AGBL4: variants seen among roughly 807,000 people sequenced by gnomAD.
The protein encoded by AGBL4 is cytosolic carboxypeptidase 6.
In AGBL4, 58 loss-of-function variants were observed where a neutral mutation model predicts 66.4. That is an observed-to-expected ratio of 0.87 (90% CI 0.71 to 1.09). The LOEUF (loss-of-function observed/expected upper bound fraction) is 1.09. Ranked by LOEUF, AGBL4 falls within the 50% of genes least tolerant of loss-of-function variation. The probability of loss-of-function intolerance (pLI) is 0.00; values close to 1 mark genes in which losing one functional copy is unlikely to be tolerated. For missense variants in AGBL4, 579 were observed against 631.0 expected, an observed-to-expected ratio of 0.92 and a Z score of 0.88; for synonymous variants, 234 against 222.9, an observed-to-expected ratio of 1.05 and a Z score of -0.44.
chr1:49,535,265 A>T (rs1651479865), intron 3 of AGBL4, among the ~76,000 whole-genome samples: 1 of 151,132 alleles, frequency 6.6e-6, no homozygotes, highest in Admixed American at 6.6e-5. Flanking sequence ...CATCTGGCTA[A>T]CCATTTGGGG....
At chr1:49,474,834 T>C (rs1048052083) in intron 3 of AGBL4, among the ~76,000 whole-genome samples, 8 of 152,040 alleles carry the variant, frequency 5.3e-5, no homozygotes, top group Admixed American at 5.2e-4. Flanking sequence ...TGGAGTGTTG[T>C]AATTTAAGCT....
At chr1:49,678,847 T>A (rs1646631251) in intron 3 of AGBL4, among the ~76,000 whole-genome samples, 1 of 152,158 alleles carries the variant, frequency 6.6e-6, no homozygotes, top group African/African-American at 2.4e-5. Context: ...TTATTTGGAA[T>A]TTCCTAAAAT....
Position 49,141,106 on chromosome 1 carries a change from T to C in AGBL4, c.378-95306A>G, listed in dbSNP as rs138650968. On this transcript the variant is annotated intron_variant, in intron 4 of 13. Coordinates refer to ENST00000371839, the MANE Select transcript of AGBL4 (RefSeq NM_032785.4). ...TAATTGGTACTAAAAAAAGAAGATA[T>C]TATTAATTTCACCCTACTTTGAGTT... is the stretch of plus-strand genomic sequence containing the variant. 2.4e-4 allele frequency among the ~76,000 whole-genome samples: 36 copies of C among 152,284 alleles called. 1 individual carries two copies. Among genetic ancestry groups the C allele is most frequent in the African/African-American group, 8.4e-4 (35 of 41,556 alleles).
chr1:49,115,075 A>G (rs866286054), intron 4 of AGBL4, among the ~76,000 whole-genome samples: 2 of 152,354 alleles, frequency 1.3e-5, no homozygotes, highest in South Asian at 4.1e-4. Context: ...AATAAAAACA[A>G]AAAACCAACA....
At chr1:48,641,558 G>A (rs937107977) in intron 8 of AGBL4, among the ~76,000 whole-genome samples, 11 of 152,172 alleles carry the variant, frequency 7.2e-5, no homozygotes, top group Admixed American at 2.0e-4. Flanking sequence ...CTGTCATCTA[G>A]TAGCTTTGTG....
At chr1:49,564,552 AT>A (rs1176378829) in intron 3 of AGBL4, among the ~76,000 whole-genome samples, 1 of 151,914 alleles carries the variant, frequency 6.6e-6, no homozygotes, top group East Asian at 1.9e-4. Context: ...TTCTGCCTTC[AT>A]TTTGTTATGT....
chr1:48,595,867 G>A (rs897726437), intron 9 of AGBL4, among the ~76,000 whole-genome samples: 19 of 152,154 alleles, frequency 1.2e-4, no homozygotes, highest in African/African-American at 4.3e-4. Context: ...GCAGCACTTC[G>A]GAGTTTATCA....
intron 9 of AGBL4, among the ~76,000 whole-genome samples, chr1:48,614,755 A>G (rs1256071764): frequency 3.9e-5 from 6 of 152,178 alleles, no homozygotes; most frequent in African/African-American, 9.7e-5. Context: ...TCTAAAACAA[A>G]GAAATATGTG....
chr1:49,000,403 C>T (rs548873298), intron 5 of AGBL4, among the ~76,000 whole-genome samples: 2 of 152,300 alleles, frequency 1.3e-5, no homozygotes, highest in African/African-American at 4.8e-5. Flanking sequence ...AGTCTGAGAG[C>T]TCTGGGAAGA....
intron 4 of AGBL4, among the ~76,000 whole-genome samples, chr1:49,200,468 A>G (rs1647598643): frequency 6.6e-6 from 1 of 152,198 alleles, no homozygotes; most frequent in Non-Finnish European, 1.5e-5. Context: ...AGATAGTGTC[A>G]GATCCCACAG....
At chr1:48,937,848 C>T (rs952511687) in intron 5 of AGBL4, among the ~76,000 whole-genome samples, 3 of 152,154 alleles carry the variant, frequency 2.0e-5, no homozygotes, top group Non-Finnish European at 4.4e-5. Context: ...CTTCCATACC[C>T]ACTACTGCTT....
rs1252068829 is a variant in AGBL4, at chr1:48,533,831, T to A, written c.*342A>T. The A allele has an allele frequency of 3.5e-6, 1 of 283,994 alleles. No individual in the cohort carries two copies. The highest frequency in any genetic ancestry group is 6.7e-6 in the Non-Finnish European group (1 of 148,182). The allele number at this position is 283,994 out of a possible 1,614,324, so 17.6% of individuals were successfully genotyped here. On this transcript the variant is annotated 3_prime_UTR_variant, in exon 14 of 14. Transcript: ENST00000371839. ...AACTATAAAACTTAAAAATGTAAAG[T>A]GGCTTTGAAAGAACTGACCTGATAT... is the stretch of plus-strand genomic sequence containing the variant.
chr1:49,554,530 T>G (rs1017945348), intron 3 of AGBL4, among the ~76,000 whole-genome samples: 1 of 152,226 alleles, frequency 6.6e-6, no homozygotes, highest in African/African-American at 2.4e-5. Flanking sequence ...GTGATGTTTT[T>G]CAAGACACTC....
chr1:49,088,946 A>G (rs971633793), intron 4 of AGBL4, among the ~76,000 whole-genome samples: 36 of 152,096 alleles, frequency 2.4e-4, no homozygotes, highest in African/African-American at 8.2e-4. Flanking sequence ...ATACTAAAAA[A>G]GTTTCTCAAA....
chr1:49,934,514 G>A (rs1416473697), intron 1 of AGBL4, among the ~76,000 whole-genome samples: 1 of 152,134 alleles, frequency 6.6e-6, no homozygotes, highest in African/African-American at 2.4e-5. Flanking sequence ...AAAGTTGAAA[G>A]ATTCACGATT....
intron 3 of AGBL4, among the ~76,000 whole-genome samples, chr1:49,461,636 C>T (rs891194686): frequency 3.3e-4 from 45 of 136,262 alleles, no homozygotes; most frequent in Non-Finnish European, 6.8e-4. Context: ...ACCCTACCAA[C>T]AGGCCCCAGT....
intron 4 of AGBL4, among the ~76,000 whole-genome samples, chr1:49,134,391 G>A (rs1331042900): frequency 6.6e-6 from 1 of 151,970 alleles, no homozygotes; most frequent in East Asian, 1.9e-4. Flanking sequence ...AGCAAGCCTG[G>A]GGGCACTGCA....
intron 1 of AGBL4, among the ~76,000 whole-genome samples, chr1:50,012,412 G>C (rs1218100434): frequency 1.3e-5 from 2 of 151,998 alleles, no homozygotes; most frequent in Non-Finnish European, 2.9e-5. Flanking sequence ...TCTCCTTGAT[G>C]TGCTTGTTTC....
intron 5 of AGBL4, among the ~76,000 whole-genome samples, chr1:48,918,386 A>G (rs1653790637): frequency 6.6e-6 from 1 of 152,196 alleles, no homozygotes; most frequent in Non-Finnish European, 1.5e-5. Flanking sequence ...TTGTGGACCA[A>G]GTGTCACAGA....
Sources: gnomAD v4.1 joint callset for allele counts (sites outside exome capture counted in the v4.1 genomes callset) on GRCh38, gnomAD v4.1.1 for gene constraint, MANE v1.5 for transcripts, NCBI Gene and HGNC (gene_info 2026-07-23, HGNC 2026-07-21) for gene names.